Variants in DGAT2 observed in about 807,000 individuals in gnomAD.
DGAT2 encodes the protein acyl-CoA retinol O-fatty-acyltransferase.
Under a neutral mutation model 48.4 loss-of-function variants are expected in DGAT2, and 33 were observed. That is an observed-to-expected ratio of 0.68 (90% confidence interval 0.52 to 0.91). The LOEUF is 0.91. Ranked by LOEUF, DGAT2 falls within the 40% of genes least tolerant of loss-of-function variation. The pLI, the probability that DGAT2 is intolerant of heterozygous loss-of-function variation, is 0.00. For synonymous variants in DGAT2, 191 were observed against 194.1 expected (o/e 0.98, Z 0.13); for missense variants, 446 against 493.7 (o/e 0.90, Z 0.92).
At chr11:75,783,168 T>A (rs994815342) in intron 1 of DGAT2, among the ~76,000 whole-genome samples, 2 of 152,184 alleles carry the variant, frequency 1.3e-5, no homozygotes, top group Admixed American at 1.3e-4. Flanking sequence ...ACACCCAATT[T>A]GTGCACTGAG....
Position 75,798,272 on chromosome 11 carries a change from C to G in DGAT2, c.855C>G (p.Tyr285Ter). ...PIYSFGENEV[Y>*]KQVIFEEGSW... ...ACTCCTTTGGAGAGAATGAAGTGTA[C>G]AAGCAGGTGATCTTCGAGGAGGGCT... The change falls in exon 7 of 8, where the codon TAC (tyrosine) becomes TAG (stop). Residue 285 changes from tyrosine (Y) to a stop codon, truncating the protein, a stop_gained. Coordinates refer to ENST00000228027, the MANE Select transcript of DGAT2 (RefSeq NM_032564.5). LOFTEE classifies it high-confidence loss of function. The G allele has an allele frequency of 1.2e-6, 2 of 1,614,190 alleles. No individual in the cohort carries two copies. Among genetic ancestry groups the G allele is most frequent in the Non-Finnish European group, 1.7e-6 (2 of 1,180,030 alleles).
chr11:75,792,649 G>A (rs1174782222), intron 4 of DGAT2: 2 of 151,964 alleles, frequency 1.3e-5, no homozygotes, highest in Non-Finnish European at 2.9e-5. Context: ...GGCACAGGTG[G>A]GGTTCTTGTG....
In DGAT2 at chr11:75,779,109, G is replaced by C. The variant is rs569018560; in HGVS notation, c.122-5509G>C. ...GGCCTTCCTGGTCACTTTGATATCA[G>C]ATATTGGGCAAAGAGGTGCTCACAG... On this transcript the variant is annotated intron_variant, in intron 1 of 7. Coordinates refer to ENST00000228027, the MANE Select transcript of DGAT2 (RefSeq NM_032564.5). Among the ~76,000 whole-genome samples the C allele has an allele frequency of 9.2e-5, 14 of 152,248 alleles. No individual in the cohort carries two copies. The South Asian group carries it at 2.7e-3, about 29-fold the overall frequency.
Position 75,790,305 on chromosome 11 carries a change from A to C in DGAT2, c.358+10A>C. On this transcript the variant is annotated intron_variant, in intron 3 of 7. Transcript: ENST00000228027. The stretch of plus-strand genomic sequence containing the variant: ...AACACACCCAAGAAAGGTAAGTGCA[A>C]GGCCTCCCTTGCCCCACCTCTCATT... The C allele has an allele frequency of 6.2e-7, 1 of 1,604,668 alleles. No individual in the cohort carries two copies. Among genetic ancestry groups the C allele is most frequent in the Non-Finnish European group, 8.5e-7 (1 of 1,171,458 alleles).
chr11:75,772,976 C>T (rs1273486434), intron 1 of DGAT2, among the ~76,000 whole-genome samples: 2 of 152,112 alleles, frequency 1.3e-5, no homozygotes, highest in East Asian at 1.9e-4. Context: ...GGTAACAGAG[C>T]GAGACTCCAT....
intron 1 of DGAT2, 29 bp downstream of exon 1, chr11:75,769,141 C>T (rs777607704): frequency 9.2e-6 from 14 of 1,525,892 alleles, no homozygotes; most frequent in Middle Eastern, 1.7e-4. Flanking sequence ...GGGTTATGGA[C>T]CTGCGAGAAG....
At chr11:75,775,711 G>T (rs979383755) in intron 1 of DGAT2, among the ~76,000 whole-genome samples, 1 of 152,188 alleles carries the variant, frequency 6.6e-6, no homozygotes, top group Non-Finnish European at 1.5e-5. Flanking sequence ...TAAACTGCTT[G>T]CAGTTAATTC....
chr11:75,784,322 G>C (rs534764717), intron 1 of DGAT2: 138 of 238,464 alleles, frequency 5.8e-4, no homozygotes, highest in African/African-American at 3.0e-3. Context: ...ACTTCCCAAG[G>C]CCTAGCCCTT....
At chr11:75,779,013 C>T (rs1944833606) in intron 1 of DGAT2, among the ~76,000 whole-genome samples, 1 of 152,118 alleles carries the variant, frequency 6.6e-6, no homozygotes, top group Non-Finnish European at 1.5e-5. Flanking sequence ...GGGGTTGGGG[C>T]TCAGACACTG....
intron 5 of DGAT2, chr11:75,796,908 G>C (rs1945062674): frequency 4.4e-6 from 2 of 451,052 alleles, no homozygotes; most frequent in Non-Finnish European, 3.9e-6. Flanking sequence ...GGCAGAATTA[G>C]GGCCCTGGGA....
chr11:75,775,561 AG>A (rs950489167), intron 1 of DGAT2, among the ~76,000 whole-genome samples: 6 of 152,162 alleles, frequency 3.9e-5, no homozygotes, highest in Admixed American at 3.3e-4. Flanking sequence ...GCACCAGTGG[AG>A]GGAGTGAGCT....
intron 1 of DGAT2, among the ~76,000 whole-genome samples, chr11:75,784,058 G>T (rs1382963685): frequency 6.6e-6 from 1 of 152,096 alleles, no homozygotes; most frequent in Non-Finnish European, 1.5e-5. Flanking sequence ...GGAATCAGTG[G>T]TGTTGGGGGT....
intron 1 of DGAT2, among the ~76,000 whole-genome samples, chr11:75,781,824 G>A (rs529988356): frequency 1.1e-3 from 166 of 152,306 alleles, no homozygotes; most frequent in African/African-American, 3.7e-3. Flanking sequence ...TCTGTATAAC[G>A]GGGTGAGGGT....
At position 75,797,160 on chromosome 11, in the gene DGAT2, A is replaced by G. The variant is rs1232153253; in HGVS notation, c.637A>G (p.Ile213Val). The change falls in exon 6 of 8, where the codon ATC becomes GTC. Residue 213 changes from isoleucine (I) to valine (V), a missense_variant and splice_region_variant. Physicochemically the swap from Ile to Val is conservative, Grantham distance 29. Coordinates refer to ENST00000228027, the MANE Select transcript of DGAT2 (RefSeq NM_032564.5). ...GTTGCGTCCTTCCCTCCCCTCAGGT[A>G]TCTGCCCTGTCAGCCGGGACACCAT... ...VLREYLMSGG[I>V]CPVSRDTIDY... The G allele has an allele frequency of 2.0e-6, 3 of 1,487,070 alleles. No individual in the cohort carries two copies. The highest frequency in any genetic ancestry group is 2.7e-6 in the Non-Finnish European group (3 of 1,112,048). The allele number at this position is 1,487,070 out of a possible 1,614,324, so 92.1% of individuals were successfully genotyped here. A position where few individuals can be genotyped will look rare whatever the true frequency, so the allele number is the denominator to read the frequency against.
At chr11:75,772,320 C>T (rs1944766826) in intron 1 of DGAT2, among the ~76,000 whole-genome samples, 1 of 152,204 alleles carries the variant, frequency 6.6e-6, no homozygotes, top group Non-Finnish European at 1.5e-5. Flanking sequence ...TTTCCAAACT[C>T]TTCCTCCTGG....
At chr11:75,782,022 G>A (rs1004600185) in intron 1 of DGAT2, among the ~76,000 whole-genome samples, 1 of 152,128 alleles carries the variant, frequency 6.6e-6, no homozygotes, top group African/African-American at 2.4e-5. Flanking sequence ...GGCTGGCCCT[G>A]GCGTCAAGGT....
chr11:75,790,913 A>G (rs1314234119), intron 4 of DGAT2, among the ~76,000 whole-genome samples, 182 bp downstream of exon 4: 1 of 152,210 alleles, frequency 6.6e-6, no homozygotes, highest in Non-Finnish European at 1.5e-5. Context: ...TCTTTGGGCC[A>G]GCCCTGAGGT....
chr11:75,774,782 C>G (rs531811576), intron 1 of DGAT2, among the ~76,000 whole-genome samples: 1 of 152,284 alleles, frequency 6.6e-6, no homozygotes, highest in South Asian at 2.1e-4. Context: ...GTGATGGGGA[C>G]GTATTTTGGA....
In DGAT2 at chr11:75,800,548, A is replaced by G; in HGVS notation, c.*40A>G. The G allele has an allele frequency of 6.2e-7, 1 of 1,602,762 alleles. No homozygotes were observed. The highest frequency in any genetic ancestry group is 1.7e-4 in the Middle Eastern group (1 of 6,024). On this transcript the variant is annotated 3_prime_UTR_variant, in exon 8 of 8. Transcript: ENST00000228027. The stretch of plus-strand genomic sequence containing the variant: ...CCAATTCCCTGGAGGAACCAGCTGC[A>G]AATCACTTTTTTGCTCTGTAAATTT...
Sources: gnomAD v4.1 joint callset for allele counts (sites outside exome capture counted in the v4.1 genomes callset) on GRCh38, gnomAD v4.1.1 for gene constraint, MANE v1.5 for transcripts, NCBI Gene and HGNC (gene_info 2026-07-23, HGNC 2026-07-21) for gene names.